APBA2: variants seen among roughly 807,000 people sequenced by gnomAD.
APBA2 encodes amyloid-beta A4 precursor protein-binding family A member 2.
Under a neutral mutation model 75.0 loss-of-function variants are expected in APBA2, and 30 were observed. The ratio of observed to expected loss-of-function variants is 0.40; its 90% CI spans 0.30 to 0.54. The LOEUF is 0.54. Among genes scored for constraint, APBA2 ranks in the 20% least tolerant of loss-of-function variants. The pLI is 0.49. For synonymous variants in APBA2, 444 were observed against 409.6 expected (o/e 1.08, Z -1.01); for missense variants, 801 against 1,016.1 (o/e 0.79, Z 2.88).
At chr15:29,027,125 GAT>G (rs2152838663) in intron 3 of APBA2, among the ~76,000 whole-genome samples, 1 of 152,310 alleles carries the variant, frequency 6.6e-6, no homozygotes, top group Non-Finnish European at 1.5e-5. Context: ...TTTGAGGTAA[GAT>G]CTTTGCCTCT....
At chr15:28,929,731 T>C (rs1452198644) in intron 2 of APBA2, among the ~76,000 whole-genome samples, 3 of 152,210 alleles carry the variant, frequency 2.0e-5, no homozygotes, top group South Asian at 2.1e-4. Flanking sequence ...TGGGTGCACA[T>C]TGCAATAAAC....
chr15:29,011,702 G>A (rs993081088), intron 3 of APBA2, among the ~76,000 whole-genome samples: 1 of 152,098 alleles, frequency 6.6e-6, no homozygotes, highest in Non-Finnish European at 1.5e-5. Flanking sequence ...ATCATTTACT[G>A]AAAGAAGTGT....
intron 3 of APBA2, among the ~76,000 whole-genome samples, chr15:29,014,471 G>A (rs2039557869): frequency 6.6e-6 from 1 of 152,156 alleles, no homozygotes; most frequent in African/African-American, 2.4e-5. Flanking sequence ...CATAGTGGCA[G>A]CTACTTGCCA....
At chr15:28,990,335 G>A (rs1163886706) in intron 2 of APBA2, 2 of 151,628 alleles carry the variant, frequency 1.3e-5, no homozygotes, top group African/African-American at 4.9e-5. Flanking sequence ...GCTTGAACCC[G>A]GGGTGGGAGA....
At chr15:29,100,497 A>G (rs2044065187) in intron 9 of APBA2, among the ~76,000 whole-genome samples, 1 of 152,236 alleles carries the variant, frequency 6.6e-6, no homozygotes, top group Non-Finnish European at 1.5e-5. Flanking sequence ...CTTTGTGTGC[A>G]GTCTTGTTAG....
chr15:28,905,566 C>T (rs139228283), intron 1 of APBA2, among the ~76,000 whole-genome samples: 9,402 of 152,208 alleles, frequency 0.062, 1,003 homozygotes, highest in African/African-American at 0.22. Context: ...TTTTGTTTTG[C>T]ATTTTGAGAT....
intron 4 of APBA2, among the ~76,000 whole-genome samples, chr15:29,071,299 C>T (rs1458824841): frequency 6.6e-6 from 1 of 152,042 alleles, no homozygotes; most frequent in Non-Finnish European, 1.5e-5. Flanking sequence ...TATCTCTGTG[C>T]TGAACAGTTG....
chr15:29,095,882 T>G lies in APBA2; in HGVS notation c.1251+1569T>G, dbSNP rs910606529. 5.3e-5 allele frequency among the ~76,000 whole-genome samples: 8 copies of G among 152,274 alleles called. No homozygotes were observed. The South Asian group carries it at 1.7e-3, about 32-fold the overall frequency. ...GACTTGCAGTTGGGGTGTGCTTTTC[T>G]CAAAAGAGAGGGGCCCTCGCTTGCA... On this transcript the variant is annotated intron_variant, in intron 8 of 14. Transcript: ENST00000683413.
intron 2 of APBA2, among the ~76,000 whole-genome samples, chr15:28,977,680 G>C (rs745460394): frequency 5.3e-5 from 8 of 152,144 alleles, no homozygotes; most frequent in Non-Finnish European, 1.2e-4. Flanking sequence ...GAAGCATTCC[G>C]AATTTGCGGA....
At chr15:29,068,146 A>G (rs1595884081) in intron 4 of APBA2, among the ~76,000 whole-genome samples, 1 of 152,230 alleles carries the variant, frequency 6.6e-6, no homozygotes, top group Non-Finnish European at 1.5e-5. Flanking sequence ...GGGAGGTCAC[A>G]GGTCAAGCCT....
chr15:29,081,449 A>G (rs1388862822), intron 6 of APBA2, among the ~76,000 whole-genome samples: 1 of 152,224 alleles, frequency 6.6e-6, no homozygotes, highest in Non-Finnish European at 1.5e-5. Flanking sequence ...TTATTCACTA[A>G]GTAGAAGTTG....
At chr15:28,912,036 T>A (rs1162129023) in intron 1 of APBA2, among the ~76,000 whole-genome samples, 1 of 152,262 alleles carries the variant, frequency 6.6e-6, no homozygotes, top group African/African-American at 2.4e-5. Flanking sequence ...TTCATTTTTA[T>A]TTATGTTGCT....
chr15:28,894,989 G>A, intron 1 of APBA2, among the ~76,000 whole-genome samples: 1 of 152,164 alleles, frequency 6.6e-6, no homozygotes, highest in African/African-American at 2.4e-5. Flanking sequence ...TGTTCTGTAG[G>A]AGGCGGCTGC....
intron 1 of APBA2, among the ~76,000 whole-genome samples, chr15:28,920,378 G>A (rs949783765): frequency 4.6e-5 from 7 of 152,246 alleles, no homozygotes; most frequent in Non-Finnish European, 1.0e-4. Flanking sequence ...CTAGGCCCAG[G>A]ACCTCAGGTG....
At chr15:28,917,654 GTATTAT>G (rs141769467) in intron 1 of APBA2, among the ~76,000 whole-genome samples, 81 of 152,140 alleles carry the variant, frequency 5.3e-4, no homozygotes, top group African/African-American at 1.9e-3. Context: ...TGATGGGGCA[GTATTAT>G]TATTAACTGG....
intron 2 of APBA2, among the ~76,000 whole-genome samples, chr15:28,972,093 T>C (rs2037099438): frequency 6.6e-6 from 1 of 152,044 alleles, no homozygotes; most frequent in Non-Finnish European, 1.5e-5. Context: ...TGAAGAAAAG[T>C]CTAAGATAAT....
intron 12 of APBA2, among the ~76,000 whole-genome samples, chr15:29,107,914 G>T (rs1387360013): frequency 6.6e-6 from 1 of 152,146 alleles, no homozygotes; most frequent in Non-Finnish European, 1.5e-5. Context: ...GCATGATGAT[G>T]GCCCCCTCGA....
rs1306951159 is a variant in APBA2 at position 29,106,746 on chromosome 15, G to A, written c.1844G>A (p.Gly615Glu). The change falls in exon 12 of 15, where the codon GGG becomes GAG. Residue 615 changes from glycine to glutamate, a missense_variant. By Grantham distance (98) the Gly-to-Glu change is moderately conservative. Transcript: ENST00000683413. The stretch of plus-strand genomic sequence containing the variant: ...GCCCGCTCGGGGAAGCTGAGCATCG[G>A]GGACCAGATCATGTCCATCAATGGC... ...PAARSGKLSI[G>E]DQIMSINGTS... is the part of the protein sequence containing the mutation. 6.2e-7 allele frequency: 1 copy of A among 1,612,932 alleles called. No homozygotes were observed. Among genetic ancestry groups the A allele is most frequent in the Non-Finnish European group, 8.5e-7 (1 of 1,179,998 alleles).
chr15:28,925,019 G>C (rs372756927), intron 2 of APBA2, among the ~76,000 whole-genome samples: 3 of 151,990 alleles, frequency 2.0e-5, no homozygotes, highest in East Asian at 3.9e-4. Context: ...TAGGTTTTTT[G>C]GTAGATGTTC....
Sources: gnomAD v4.1 joint callset for allele counts (sites outside exome capture counted in the v4.1 genomes callset) on GRCh38, gnomAD v4.1.1 for gene constraint, MANE v1.5 for transcripts, NCBI Gene and HGNC (gene_info 2026-07-23, HGNC 2026-07-21) for gene names.